The following ME1 variants were observed in gnomAD, a reference collection of about 807,000 sequenced individuals.
The protein encoded by ME1 is malic enzyme 1, also known as NADP-dependent malic enzyme.
ME1 carries 74 observed loss-of-function variants against 66.4 expected under a neutral mutation model. The observed-to-expected ratio is 1.11, with a 90% confidence interval of 0.92 to 1.35. The LOEUF is 1.35. ME1 is among the 40% of genes most tolerant of loss of function. The pLI, the probability that ME1 is intolerant of heterozygous loss-of-function variation, is 0.00. For synonymous variants in ME1, 251 were observed against 235.6 expected (o/e 1.07, Z -0.60); for missense variants, 750 against 694.1 (o/e 1.08, Z -0.90).
intron 3 of ME1, among the ~76,000 whole-genome samples, chr6:83,374,379 G>T (rs1316189408): frequency 2.0e-5 from 3 of 152,102 alleles, no homozygotes; most frequent in Non-Finnish European, 2.9e-5. Flanking sequence ...TCATATGTTT[G>T]TTGGCCACAT....
intron 3 of ME1, among the ~76,000 whole-genome samples, chr6:83,361,597 G>A (rs529453170): frequency 6.6e-5 from 10 of 152,348 alleles, no homozygotes; most frequent in Non-Finnish European, 1.5e-5. Context: ...GCCGCCATAG[G>A]TGAATCACAG....
chr6:83,265,349 T>C (rs1164448009), intron 6 of ME1, among the ~76,000 whole-genome samples: 1 of 152,100 alleles, frequency 6.6e-6, no homozygotes, highest in African/African-American at 2.4e-5. Flanking sequence ...CAGACTGGAG[T>C]GCAGTGGCAT....
intron 6 of ME1, among the ~76,000 whole-genome samples, chr6:83,290,709 T>G (rs567019994): frequency 6.6e-6 from 1 of 152,086 alleles, no homozygotes; most frequent in Admixed American, 6.5e-5. Flanking sequence ...TGATCTAATA[T>G]TGACAGTAGG....
intron 11 of ME1, among the ~76,000 whole-genome samples, chr6:83,226,776 G>A (rs1232601257): frequency 6.7e-6 from 1 of 150,024 alleles, no homozygotes; most frequent in Non-Finnish European, 1.5e-5. Context: ...TCTTTGAAGG[G>A]AAAAAAGGCT....
chr6:83,381,716 C>T (rs759610121), intron 3 of ME1, among the ~76,000 whole-genome samples: 7 of 152,072 alleles, frequency 4.6e-5, no homozygotes, highest in Non-Finnish European at 7.4e-5. Flanking sequence ...GGATCAAGTG[C>T]ATTCAAAGCA....
intron 1 of ME1, among the ~76,000 whole-genome samples, chr6:83,425,920 TC>T (rs1770362740): frequency 6.6e-6 from 1 of 151,502 alleles, no homozygotes; most frequent in East Asian, 1.9e-4. Flanking sequence ...GTGTTGTTAA[TC>T]CCCAATGCAA....
intron 9 of ME1, among the ~76,000 whole-genome samples, chr6:83,234,859 TTA>T (rs1213559652): frequency 6.6e-6 from 1 of 152,180 alleles, no homozygotes; most frequent in Non-Finnish European, 1.5e-5. Flanking sequence ...TAAATGTCCC[TTA>T]TACCAAAATA....
At chr6:83,376,789 C>A (rs1167132284) in intron 3 of ME1, among the ~76,000 whole-genome samples, 1 of 74,056 alleles carries the variant, frequency 1.4e-5, no homozygotes, top group Non-Finnish European at 2.9e-5. Flanking sequence ...GGCGACAGAA[C>A]CAGACCCTGT....
At chr6:83,250,178 GT>G (rs3032823) in intron 7 of ME1, among the ~76,000 whole-genome samples, 5 of 149,716 alleles carry the variant, frequency 3.3e-5, no homozygotes, top group Admixed American at 6.6e-5. Flanking sequence ...TTTCAGATCT[GT>G]TTTTTTTTAT....
chr6:83,343,011 G>C (rs1323623578), intron 5 of ME1, among the ~76,000 whole-genome samples: 1 of 152,110 alleles, frequency 6.6e-6, no homozygotes, highest in Non-Finnish European at 1.5e-5. Context: ...CTATGTGTTG[G>C]TAGCATTTCA....
chr6:83,222,934 T>G (rs976194058), intron 12 of ME1, among the ~76,000 whole-genome samples: 1 of 152,226 alleles, frequency 6.6e-6, no homozygotes, highest in East Asian at 1.9e-4. Flanking sequence ...TCACTTCTCC[T>G]ATTCTTTTAA....
intron 6 of ME1, among the ~76,000 whole-genome samples, chr6:83,305,503 A>G (rs1021054391): frequency 2.0e-5 from 3 of 152,200 alleles, no homozygotes; most frequent in Admixed American, 6.5e-5. Context: ...TTAACCAAAC[A>G]CATTTCTGGG....
intron 6 of ME1, among the ~76,000 whole-genome samples, chr6:83,271,552 T>C (rs1165936998): frequency 6.6e-6 from 1 of 152,194 alleles, no homozygotes; most frequent in Non-Finnish European, 1.5e-5. Flanking sequence ...CATCAGTCAT[T>C]AGTCACGTAT....
intron 2 of ME1, among the ~76,000 whole-genome samples, chr6:83,405,722 G>GTTGTTT (rs1326693594): frequency 7.9e-6 from 1 of 126,268 alleles, no homozygotes; most frequent in African/African-American, 3.2e-5. Flanking sequence ...TGTTGTTGTT[G>GTTGTTT]TTTTTTTTTT....
intron 3 of ME1, chr6:83,393,282 CT>C: frequency 1.6e-6 from 2 of 1,238,490 alleles, no homozygotes; most frequent in Non-Finnish European, 2.3e-6. Context: ...ACTCTTCCAC[CT>C]TCGATGCTGG....
chr6:83,328,823 C>T (rs1346448469), intron 5 of ME1, among the ~76,000 whole-genome samples: 4 of 151,826 alleles, frequency 2.6e-5, no homozygotes, highest in South Asian at 2.1e-4. Flanking sequence ...TGTGGTGCCA[C>T]TGAAGACTTA....
chr6:83,319,837 T>C (rs1356028061), intron 5 of ME1, among the ~76,000 whole-genome samples: 1 of 152,192 alleles, frequency 6.6e-6, no homozygotes, highest in African/African-American at 2.4e-5. Context: ...TTTAGAGCCA[T>C]ATGATTCCTA....
intron 6 of ME1, among the ~76,000 whole-genome samples, chr6:83,282,957 G>C (rs544491199): frequency 6.6e-5 from 10 of 151,742 alleles, no homozygotes; most frequent in Admixed American, 2.6e-4. Context: ...GGCCGGGCGC[G>C]GTGGCTCAAG....
At chr6:83,241,736 A>T (rs909064156) in intron 7 of ME1, among the ~76,000 whole-genome samples, 1 of 152,226 alleles carries the variant, frequency 6.6e-6, no homozygotes, top group Admixed American at 6.5e-5. Flanking sequence ...AAATTTCATA[A>T]AACTGTAAAT....
Sources: gnomAD v4.1 joint callset for allele counts (sites outside exome capture counted in the v4.1 genomes callset) on GRCh38, gnomAD v4.1.1 for gene constraint, MANE v1.5 for transcripts, NCBI Gene and HGNC (gene_info 2026-07-23, HGNC 2026-07-21) for gene names.